Variants in DZANK1 observed in about 807,000 individuals in gnomAD.
DZANK1 encodes double zinc ribbon and ankyrin repeat-containing protein 1.
In DZANK1, 91 loss-of-function variants were observed where a neutral mutation model predicts 94.5. The observed-to-expected ratio is 0.96, with a 90% confidence interval of 0.81 to 1.15. The LOEUF (loss-of-function observed/expected upper bound fraction) is 1.15. DZANK1 is among the 50% of genes most tolerant of loss of function. The pLI is 0.00. For missense variants in DZANK1, 903 were observed against 916.4 expected (o/e 0.99, Z 0.19); for synonymous variants, 312 against 325.3 (o/e 0.96, Z 0.44).
intron 13 of DZANK1, among the ~76,000 whole-genome samples, chr20:18,410,032 C>CAAAA (rs33981503): frequency 4.4e-5 from 4 of 90,568 alleles, no homozygotes; most frequent in Admixed American, 1.2e-4. Context: ...GACTCCGTCT[C>CAAAA]AAAAAAAAAA....
At chr20:18,444,307 C>A (rs932581) in intron 7 of DZANK1, among the ~76,000 whole-genome samples, 53,815 of 152,104 alleles carry the variant, frequency 0.35, 10,528 homozygotes, top group Middle Eastern at 0.46. Flanking sequence ...GGCCCACCCG[C>A]CAGAGCAACA....
intron 12 of DZANK1, 61 bp downstream of exon 12, chr20:18,414,287 C>T: frequency 6.3e-7 from 1 of 1,584,976 alleles, no homozygotes; most frequent in Non-Finnish European, 8.6e-7. Context: ...GGGTGGAGCA[C>T]ACACATTCAG....
At chr20:18,424,178 G>A (rs185530549) in intron 10 of DZANK1, among the ~76,000 whole-genome samples, 3 of 152,308 alleles carry the variant, frequency 2.0e-5, no homozygotes, top group South Asian at 4.1e-4. Flanking sequence ...GGCCGGGCGC[G>A]GTGGCTCATG....
At chr20:18,455,186 C>A in intron 4 of DZANK1, 61 bp downstream of exon 4, 2 of 1,306,454 alleles carry the variant, frequency 1.5e-6, no homozygotes, top group Non-Finnish European at 2.2e-6. Flanking sequence ...GATCTGCTCA[C>A]TGAGAAAGAA....
chr20:18,414,857 G>A (rs1440871713), intron 11 of DZANK1, among the ~76,000 whole-genome samples: 3 of 152,230 alleles, frequency 2.0e-5, no homozygotes, highest in Non-Finnish European at 4.4e-5. Context: ...AATTGGGTCA[G>A]TGTTCATAGC....
chr20:18,423,975 G>C (rs1425165265), intron 10 of DZANK1, among the ~76,000 whole-genome samples: 1 of 152,002 alleles, frequency 6.6e-6, no homozygotes, highest in African/African-American at 2.4e-5. Flanking sequence ...GAATTAACCA[G>C]AAGCTAGTTC....
chr20:18,384,875 C>T (rs543417380), intron 20 of DZANK1, 141 bp downstream of exon 20: 7 of 802,600 alleles, frequency 8.7e-6, no homozygotes, highest in African/African-American at 7.0e-5. Context: ...GCCCTCAGTG[C>T]CCCGGAAGCC....
At chr20:18,394,991 C>G (rs779500387) in intron 15 of DZANK1, 4 of 409,354 alleles carry the variant, frequency 9.8e-6, no homozygotes, top group African/African-American at 6.1e-5. Flanking sequence ...TGCACCCTCA[C>G]GTGGCTGCCT....
intron 13 of DZANK1, among the ~76,000 whole-genome samples, chr20:18,405,363 A>C (rs1306681730): frequency 6.6e-6 from 1 of 152,182 alleles, no homozygotes; most frequent in Admixed American, 6.5e-5. Context: ...AGGATAAAAA[A>C]GAATTAGCAA....
Position 18,433,476 on chromosome 20 carries a change from A to T in DZANK1, c.861+176T>A. 8 of 574,446 alleles carry T rather than the reference A, an allele frequency of 1.4e-5. No individual in the cohort carries two copies. The South Asian group carries it at 1.6e-4, about 12-fold the overall frequency. 35.6% of individuals were successfully genotyped at this position (574,446 alleles called of 1,614,324 possible). On this transcript the variant is annotated intron_variant, in intron 9 of 20. Coordinates refer to ENST00000262547, the Ensembl canonical transcript of DZANK1. ...AGAATCACTTGAACTGAGGAGGCGG[A>T]GGTTGCAGTGAGCTGAGATTGCGCT...
chr20:18,453,960 C>T, intron 4 of DZANK1, 133 bp from the exon 5 acceptor site: 1 of 773,354 alleles, frequency 1.3e-6, no homozygotes, highest in Non-Finnish European at 2.3e-6. Flanking sequence ...AAAGTGACCC[C>T]TGTTTCACTT....
In DZANK1 at chr20:18,441,461, T is replaced by C. The variant is rs146342243; in HGVS notation, c.747+1886A>G. The stretch of plus-strand genomic sequence containing the variant: ...GTTCATATAAATAGTTATTAACTGG[T>C]ATCCAGGGATTAACTACTAATGGGT... On this transcript the variant is annotated intron_variant, in intron 8 of 20. Coordinates refer to ENST00000262547, the Ensembl canonical transcript of DZANK1. The surrounding 1 kb of genome is among the most constrained non-coding windows in gnomAD (Gnocchi z 4.1). 2.4e-3 allele frequency among the ~76,000 whole-genome samples: 368 copies of C among 152,350 alleles called. 6 individuals carry two copies. The highest frequency in any genetic ancestry group is 0.02 in the Admixed American group (310 of 15,296).
intron 3 of DZANK1, among the ~76,000 whole-genome samples, chr20:18,457,557 G>C (rs1235715213): frequency 6.6e-6 from 1 of 152,178 alleles, no homozygotes; most frequent in Non-Finnish European, 1.5e-5. Flanking sequence ...TCTAGAGCTA[G>C]GTATAGGGGT....
At chr20:18,413,589 G>A (rs758830107) in intron 12 of DZANK1, among the ~76,000 whole-genome samples, 4 of 152,080 alleles carry the variant, frequency 2.6e-5, no homozygotes, top group Non-Finnish European at 5.9e-5. Context: ...AGATCAGCCC[G>A]ACCAACATGG....
chr20:18,404,332 C>G (rs1213085989), intron 13 of DZANK1, among the ~76,000 whole-genome samples: 1 of 152,150 alleles, frequency 6.6e-6, no homozygotes, highest in East Asian at 1.9e-4. Flanking sequence ...ACAATAAGCA[C>G]AGCTTAATGG....
intron 10 of DZANK1, among the ~76,000 whole-genome samples, chr20:18,423,339 T>G (rs552746096): frequency 6.6e-6 from 1 of 152,370 alleles, no homozygotes; most frequent in African/African-American, 2.4e-5. Context: ...TTCAATTTCC[T>G]TCATCAATGT....
chr20:18,438,236 AAAAGAAATAACAC>A (rs537480639), intron 8 of DZANK1, among the ~76,000 whole-genome samples: 27,047 of 128,104 alleles, frequency 0.21, 4,696 homozygotes, highest in Non-Finnish European at 0.29. Flanking sequence ...AAAAAAAAAA[AAAAGAAATAACAC>A]AAAAGAAAGC....
intron 10 of DZANK1, among the ~76,000 whole-genome samples, chr20:18,418,574 T>G (rs1260103692): frequency 6.6e-6 from 1 of 152,236 alleles, no homozygotes; most frequent in Non-Finnish European, 1.5e-5. Flanking sequence ...ACTTTCTAGA[T>G]TCTGTTACTC....
chr20:18,452,179 C>T (rs530625461), intron 6 of DZANK1, among the ~76,000 whole-genome samples: 7 of 151,912 alleles, frequency 4.6e-5, no homozygotes, highest in East Asian at 1.9e-4. Context: ...GTGATTCTAA[C>T]GTGCAGCCAT....
Sources: allele counts gnomAD v4.1 joint callset (sites outside exome capture counted in the v4.1 genomes callset), GRCh38; gene constraint gnomAD v4.1.1; non-coding constraint Gnocchi (gnomAD v3.1); transcripts MANE v1.5; gene names NCBI Gene and HGNC (gene_info 2026-07-23, HGNC 2026-07-21).